Variants in RNGTT observed in about 807,000 individuals in gnomAD.
RNGTT encodes mRNA-capping enzyme.
RNGTT carries 33 observed loss-of-function variants against 79.3 expected under a neutral mutation model. The observed-to-expected ratio is 0.42, with a 90% confidence interval of 0.32 to 0.56. The LOEUF is 0.56. Among genes scored for constraint, RNGTT ranks in the 20% least tolerant of loss-of-function variants. RNGTT has a pLI of 0.17. For synonymous variants in RNGTT, 222 were observed against 235.9 expected (o/e 0.94, Z 0.54); for missense variants, 497 against 739.1 (o/e 0.67, Z 3.80).
At chr6:88,689,449 C>T (rs1562196142) in intron 13 of RNGTT, among the ~76,000 whole-genome samples, 1 of 151,908 alleles carries the variant, frequency 6.6e-6, no homozygotes, top group Non-Finnish European at 1.5e-5. Context: ...CAAAAATTAG[C>T]CAGGCATGGT....
intron 12 of RNGTT, among the ~76,000 whole-genome samples, chr6:88,779,275 A>G (rs914426652): frequency 6.6e-6 from 1 of 152,194 alleles, no homozygotes; most frequent in Non-Finnish European, 1.5e-5. Flanking sequence ...GAAATTTCAT[A>G]CTTACAGGCA....
intron 13 of RNGTT, among the ~76,000 whole-genome samples, chr6:88,731,153 CA>C (rs1216698861): frequency 6.6e-6 from 1 of 151,742 alleles, no homozygotes; most frequent in Non-Finnish European, 1.5e-5. Context: ...CCAAAAACAA[CA>C]AAGGAAAGAA....
At chr6:88,726,199 C>A (rs545388169) in intron 13 of RNGTT, among the ~76,000 whole-genome samples, 1 of 152,066 alleles carries the variant, frequency 6.6e-6, no homozygotes, top group African/African-American at 2.4e-5. Flanking sequence ...GGGCATAGCC[C>A]GAAAGCACTG....
chr6:88,858,386 A>G (rs1319317612), intron 8 of RNGTT, among the ~76,000 whole-genome samples: 1 of 152,184 alleles, frequency 6.6e-6, no homozygotes, highest in Non-Finnish European at 1.5e-5. Flanking sequence ...AAGATATTAA[A>G]TAATTCCAAC....
At chr6:88,751,332 A>G (rs1270980789) in intron 13 of RNGTT, among the ~76,000 whole-genome samples, 1 of 152,114 alleles carries the variant, frequency 6.6e-6, no homozygotes, top group Non-Finnish European at 1.5e-5. Context: ...TAAATACTAC[A>G]TATTCCAGCT....
chr6:88,910,578 T>A (rs1406084721), intron 4 of RNGTT, among the ~76,000 whole-genome samples: 1 of 152,152 alleles, frequency 6.6e-6, no homozygotes, highest in Admixed American at 6.5e-5. Context: ...TTTGAGAATA[T>A]AATCCACAAA....
At position 88,948,575 on chromosome 6, in the gene RNGTT, G is replaced by A. The variant is rs370781153; in HGVS notation, c.65-7395C>T. On this transcript the variant is annotated intron_variant, in intron 1 of 15. Transcript: ENST00000369485. Reference sequence around the variant, plus strand: ...AGCCGCCCCTACTGGGAAGTGAGTAGCCCCTCTGCCCGGCCACCACCCCGT... The same window carrying A: ...AGCCGCCCCTACTGGGAAGTGAGTAACCCCTCTGCCCGGCCACCACCCCGT... 9.6e-3 allele frequency among the ~76,000 whole-genome samples: 1,428 copies of A among 148,340 alleles called. 34 individuals carry two copies. The highest frequency in any genetic ancestry group is 0.091 in the East Asian group (430 of 4,724).
chr6:88,736,078 A>G (rs1777274626), intron 13 of RNGTT, among the ~76,000 whole-genome samples: 1 of 152,126 alleles, frequency 6.6e-6, no homozygotes, highest in South Asian at 2.1e-4. Flanking sequence ...TTGATAATTT[A>G]GATAAAGTGG....
At chr6:88,635,813 C>T (rs9344830) in intron 14 of RNGTT, among the ~76,000 whole-genome samples, 17,312 of 151,616 alleles carry the variant, frequency 0.11, 1,119 homozygotes, top group Middle Eastern at 0.21. Flanking sequence ...TAGAGTAATT[C>T]CAATTTATTT....
intron 13 of RNGTT, among the ~76,000 whole-genome samples, chr6:88,766,605 C>T (rs866438875): frequency 9.2e-5 from 14 of 151,896 alleles, no homozygotes; most frequent in African/African-American, 3.4e-4. Context: ...TTTTAATTGC[C>T]ATCAACAGGG....
At chr6:88,817,414 TG>T (rs1057462530) in intron 11 of RNGTT, among the ~76,000 whole-genome samples, 1 of 144,540 alleles carries the variant, frequency 6.9e-6, no homozygotes, top group Non-Finnish European at 1.5e-5. Context: ...GGCCATGGTG[TG>T]AGGACCGCTT....
At chr6:88,900,739 A>G (rs931317423) in intron 6 of RNGTT, among the ~76,000 whole-genome samples, 3 of 151,458 alleles carry the variant, frequency 2.0e-5, no homozygotes, top group Non-Finnish European at 4.4e-5. Flanking sequence ...GTCTCAAAAA[A>G]AATAAATAAA....
chr6:88,677,772 C>G (rs544440946), intron 14 of RNGTT, among the ~76,000 whole-genome samples: 1 of 152,060 alleles, frequency 6.6e-6, no homozygotes, highest in South Asian at 2.1e-4. Flanking sequence ...CCACCGTACC[C>G]GACTTGTAAA....
At chr6:88,757,392 A>G (rs1228760220) in intron 13 of RNGTT, among the ~76,000 whole-genome samples, 1 of 152,236 alleles carries the variant, frequency 6.6e-6, no homozygotes, top group Non-Finnish European at 1.5e-5. Context: ...TATCAATTGT[A>G]TATCTGGAGA....
chr6:88,846,844 T>C (rs1426735787), intron 10 of RNGTT, among the ~76,000 whole-genome samples: 1 of 152,084 alleles, frequency 6.6e-6, no homozygotes, highest in Non-Finnish European at 1.5e-5. Flanking sequence ...TTTGTGTCAC[T>C]TTCTCGGTCT....
intron 14 of RNGTT, among the ~76,000 whole-genome samples, chr6:88,625,286 T>C (rs1772585192): frequency 1.3e-5 from 2 of 151,988 alleles, no homozygotes; most frequent in Non-Finnish European, 2.9e-5. Flanking sequence ...TAAAAATGTT[T>C]ACAGTATATT....
chr6:88,693,376 T>C (rs1775550664), intron 13 of RNGTT, among the ~76,000 whole-genome samples: 1 of 152,002 alleles, frequency 6.6e-6, no homozygotes, highest in African/African-American at 2.4e-5. Context: ...AAGAAACGGG[T>C]AAATTCCTGG....
chr6:88,710,797 T>C (rs546745602), intron 13 of RNGTT, among the ~76,000 whole-genome samples: 1 of 152,276 alleles, frequency 6.6e-6, no homozygotes, highest in East Asian at 1.9e-4. Context: ...AAAAATTATA[T>C]AGCTTTCCAA....
chr6:88,801,834 C>G (rs1166838003), intron 11 of RNGTT, among the ~76,000 whole-genome samples: 1 of 150,988 alleles, frequency 6.6e-6, no homozygotes, highest in Non-Finnish European at 1.5e-5. Flanking sequence ...CACACACACA[C>G]ACACACACAC....
Sources: allele counts gnomAD v4.1 joint callset (sites outside exome capture counted in the v4.1 genomes callset), GRCh38; gene constraint gnomAD v4.1.1; transcripts MANE v1.5; gene names NCBI Gene and HGNC (gene_info 2026-07-23, HGNC 2026-07-21).